Variants in FHOD3 observed in about 807,000 individuals in gnomAD.
FHOD3 encodes the protein formin homology 2 domain containing 3.
In FHOD3, 90 loss-of-function variants were observed where a neutral mutation model predicts 173.0. The observed-to-expected ratio is 0.52, with a 90% CI of 0.44 to 0.62. FHOD3 has a LOEUF of 0.62. FHOD3 is among the 20% of genes least tolerant of loss of function. The pLI is 0.00. For missense variants in FHOD3, 1,945 were observed against 2,034.7 expected, an observed-to-expected ratio of 0.96 and a Z score of 0.85; for synonymous variants, 828 against 823.0, an observed-to-expected ratio of 1.01 and a Z score of -0.10.
intron 14 of FHOD3, among the ~76,000 whole-genome samples, chr18:36,664,417 A>G (rs1211669580): frequency 6.6e-6 from 1 of 152,152 alleles, no homozygotes; most frequent in Non-Finnish European, 1.5e-5. Flanking sequence ...GTTACAAACA[A>G]TAAGAGTCCC....
chr18:36,609,071 C>G (rs2032387950), intron 8 of FHOD3, among the ~76,000 whole-genome samples: 1 of 152,236 alleles, frequency 6.6e-6, no homozygotes, highest in Non-Finnish European at 1.5e-5. Flanking sequence ...GAATTTCCCC[C>G]TCTGAGAGAG....
chr18:36,451,396 A>G (rs1739857709), intron 3 of FHOD3, among the ~76,000 whole-genome samples: 1 of 152,228 alleles, frequency 6.6e-6, no homozygotes, highest in African/African-American at 2.4e-5. Context: ...CAATGGCCAA[A>G]AGTCATTTCA....
At chr18:36,475,691 T>G (rs1175358074) in intron 3 of FHOD3, among the ~76,000 whole-genome samples, 1 of 151,832 alleles carries the variant, frequency 6.6e-6, no homozygotes, top group Non-Finnish European at 1.5e-5. Context: ...AATAGAGCAA[T>G]GTATACCAAA....
chr18:36,717,752 C>T, intron 18 of FHOD3, 80 bp from the exon 19 acceptor site: 6 of 1,491,894 alleles, frequency 4.0e-6, no homozygotes, highest in South Asian at 1.5e-5. Flanking sequence ...ATGTGTCAGG[C>T]TCACTTATTC....
chr18:36,310,007 T>C (rs983156006), intron 1 of FHOD3, among the ~76,000 whole-genome samples: 1 of 151,972 alleles, frequency 6.6e-6, no homozygotes, highest in African/African-American at 2.4e-5. Context: ...CCTCACAGGG[T>C]GAAAAAATGA....
chr18:36,658,704 C>T (rs1395054598), intron 14 of FHOD3, among the ~76,000 whole-genome samples: 1 of 152,090 alleles, frequency 6.6e-6, no homozygotes, highest in East Asian at 1.9e-4. Context: ...ATTATGACTC[C>T]CAGAAGCAAA....
chr18:36,435,671 C>A (rs979930986), intron 3 of FHOD3, among the ~76,000 whole-genome samples: 9 of 151,936 alleles, frequency 5.9e-5, no homozygotes, highest in African/African-American at 9.7e-5. Context: ...GAAAAGCAAC[C>A]CATAGAACAA....
At chr18:36,406,157 C>G (rs1182528120) in intron 3 of FHOD3, among the ~76,000 whole-genome samples, 1 of 151,146 alleles carries the variant, frequency 6.6e-6, no homozygotes, top group Non-Finnish European at 1.5e-5. Flanking sequence ...CTTTTAGAGG[C>G]AATGAGAAAT....
intron 6 of FHOD3, among the ~76,000 whole-genome samples, chr18:36,578,227 C>T (rs919833472): frequency 9.0e-4 from 137 of 152,154 alleles, no homozygotes; most frequent in African/African-American, 3.2e-3. Flanking sequence ...CTCACAGTTC[C>T]ACATGGCTGG....
chr18:36,646,632 C>T (rs879860591), intron 10 of FHOD3, among the ~76,000 whole-genome samples: 7 of 151,990 alleles, frequency 4.6e-5, no homozygotes, highest in Non-Finnish European at 1.0e-4. Context: ...AATTGCGTAT[C>T]GATGTAGGGA....
intron 1 of FHOD3, among the ~76,000 whole-genome samples, chr18:36,320,782 T>A (rs928355087): frequency 2.0e-5 from 3 of 152,240 alleles, no homozygotes; most frequent in Non-Finnish European, 4.4e-5. Context: ...TAATTACCTG[T>A]AGTGTTTATT....
At chr18:36,320,425 C>G (rs1351458087) in intron 1 of FHOD3, among the ~76,000 whole-genome samples, 2 of 152,210 alleles carry the variant, frequency 1.3e-5, no homozygotes, top group African/African-American at 2.4e-5. Flanking sequence ...CCTCCCAAGA[C>G]TAAACCAGGA....
intron 3 of FHOD3, among the ~76,000 whole-genome samples, chr18:36,474,038 T>A (rs1014414480): frequency 1.3e-5 from 2 of 152,242 alleles, no homozygotes; most frequent in African/African-American, 4.8e-5. Flanking sequence ...CTCTAAGTAG[T>A]TGATTCTTTT....
intron 1 of FHOD3, among the ~76,000 whole-genome samples, chr18:36,321,076 ATT>A (rs5824009): frequency 6.8e-6 from 1 of 148,106 alleles, no homozygotes. Context: ...ATTTCCTGTG[ATT>A]TTTTTTTTTT....
At chr18:36,528,322 G>C (rs1249265542) in intron 5 of FHOD3, among the ~76,000 whole-genome samples, 2 of 152,232 alleles carry the variant, frequency 1.3e-5, no homozygotes, top group African/African-American at 4.8e-5. Flanking sequence ...TTCTTAGCTT[G>C]TCCCATCAAG....
chr18:36,631,357 A>G (rs1209634332), intron 10 of FHOD3, among the ~76,000 whole-genome samples: 5 of 152,240 alleles, frequency 3.3e-5, no homozygotes, highest in Non-Finnish European at 7.3e-5. Flanking sequence ...CTATGTGCCA[A>G]TTTATATATG....
At chr18:36,693,459 T>C in intron 17 of FHOD3, 36 bp downstream of exon 17, 1 of 1,581,810 alleles carries the variant, frequency 6.3e-7, no homozygotes, top group Non-Finnish European at 8.7e-7. Flanking sequence ...AATGAACAGG[T>C]TAACATCAGA....
chr18:36,468,360 C>A (rs1010380778), intron 3 of FHOD3, among the ~76,000 whole-genome samples: 1 of 152,140 alleles, frequency 6.6e-6, no homozygotes, highest in Non-Finnish European at 1.5e-5. Flanking sequence ...TGATAAGGGC[C>A]CAGATGGCCA....
intron 24 of FHOD3, among the ~76,000 whole-genome samples, chr18:36,752,092 G>A (rs985431228): frequency 2.0e-5 from 3 of 152,092 alleles, no homozygotes; most frequent in Non-Finnish European, 2.9e-5. Flanking sequence ...CAAGCAAAGC[G>A]GGAAAGCCCT....
Sources: gnomAD v4.1 joint callset for allele counts (sites outside exome capture counted in the v4.1 genomes callset) on GRCh38, gnomAD v4.1.1 for gene constraint, MANE v1.5 for transcripts, NCBI Gene and HGNC (gene_info 2026-07-23, HGNC 2026-07-21) for gene names.